Variants in FRMD3 observed in about 807,000 individuals in gnomAD.
FRMD3 encodes the protein FERM domain-containing protein 3.
FRMD3 carries 33 observed loss-of-function variants against 70.2 expected under a neutral mutation model. The observed-to-expected ratio is 0.47, with a 90% CI of 0.36 to 0.63. The LOEUF (loss-of-function observed/expected upper bound fraction) is 0.63, where lower values mean the gene tolerates loss of function less well. FRMD3 is among the 20% of genes least tolerant of loss of function. FRMD3 has a pLI of 0.00. For missense variants in FRMD3, 632 were observed against 711.4 expected, an observed-to-expected ratio of 0.89 and a Z score of 1.27; for synonymous variants, 279 against 255.9, an observed-to-expected ratio of 1.09 and a Z score of -0.86.
At chr9:83,568,912 TA>T in the FRMD3 span, among the ~76,000 whole-genome samples, 1 of 143,788 alleles carries the variant, frequency 7.0e-6, no homozygotes, top group African/African-American at 2.6e-5. Flanking sequence ...TACAACTTGT[TA>T]GAAAAGATAG....
intron 1 of FRMD3, among the ~76,000 whole-genome samples, chr9:83,481,411 A>C (rs1828564860): frequency 6.6e-6 from 1 of 152,248 alleles, no homozygotes; most frequent in African/African-American, 2.4e-5. Flanking sequence ...TCTCTATAAA[A>C]GAAATTCTGC....
chr9:83,251,732 C>G (rs1832438696), intron 13 of FRMD3, among the ~76,000 whole-genome samples: 1 of 152,154 alleles, frequency 6.6e-6, no homozygotes, highest in Non-Finnish European at 1.5e-5. Flanking sequence ...TCACAAGTAT[C>G]AGTAGCAGAA....
At chr9:83,445,927 G>A (rs62560276) in intron 1 of FRMD3, among the ~76,000 whole-genome samples, 13 of 152,184 alleles carry the variant, frequency 8.5e-5, no homozygotes, top group Non-Finnish European at 1.6e-4. Flanking sequence ...GCACTTCACA[G>A]CATTTCAGAG....
rs149651595 is a variant in FRMD3 at position 83,443,599 on chromosome 9, A to G, written c.148-53891T>C. 4.7e-3 allele frequency among the ~76,000 whole-genome samples: 714 copies of G among 152,320 alleles called. 5 individuals carry two copies. The highest frequency in any genetic ancestry group is 0.016 in the African/African-American group (657 of 41,570). ...TATTGTGAATAGTGCCGCAATAAAC[A>G]TACATGTGCATGTGTCTTTATAGTA... is the stretch of plus-strand genomic sequence containing the variant. On this transcript the variant is annotated intron_variant, in intron 1 of 13. Coordinates refer to ENST00000304195, the MANE Select transcript of FRMD3 (RefSeq NM_174938.6).
chr9:83,287,718 T>C (rs781124439), intron 13 of FRMD3, among the ~76,000 whole-genome samples: 18 of 152,214 alleles, frequency 1.2e-4, no homozygotes, highest in Non-Finnish European at 2.4e-4. Flanking sequence ...ACTGATTTTA[T>C]GTCAGACACT....
intron 1 of FRMD3, among the ~76,000 whole-genome samples, chr9:83,526,530 T>G (rs576252468): frequency 6.6e-6 from 1 of 152,350 alleles, no homozygotes; most frequent in Non-Finnish European, 1.5e-5. Flanking sequence ...ACTTGTCCTT[T>G]AATTATTAAT....
intron 13 of FRMD3, among the ~76,000 whole-genome samples, chr9:83,281,862 G>C (rs918451874): frequency 6.6e-6 from 1 of 152,204 alleles, no homozygotes; most frequent in Non-Finnish European, 1.5e-5. Flanking sequence ...GTCCTGGCAT[G>C]CTGTGCTGGA....
chr9:83,349,885 T>C, intron 3 of FRMD3, 128 bp from the exon 4 acceptor site: 2 of 615,444 alleles, frequency 3.2e-6, no homozygotes, highest in East Asian at 2.9e-5. Flanking sequence ...GGGGTGATTG[T>C]TTTGGAAGAA....
chr9:83,576,296 T>A, the FRMD3 span, among the ~76,000 whole-genome samples: 9 of 152,116 alleles, frequency 5.9e-5, no homozygotes, highest in African/African-American at 1.7e-4. Context: ...CAAAACCATA[T>A]GATCATCTCA....
At chr9:83,363,684 A>T (rs969103231) in intron 3 of FRMD3, among the ~76,000 whole-genome samples, 1 of 151,052 alleles carries the variant, frequency 6.6e-6, no homozygotes, top group Non-Finnish European at 1.5e-5. Flanking sequence ...CCTCCTGAGT[A>T]GCTGGGACTA....
At chr9:83,547,375 T>A in the FRMD3 span, among the ~76,000 whole-genome samples, 3 of 150,346 alleles carry the variant, frequency 2.0e-5, no homozygotes, top group Admixed American at 1.3e-4. Flanking sequence ...TCTTTGTCTT[T>A]TTTTACTGTT....
chr9:83,568,943 GATAGATAGATAGATACATACATAC>G, the FRMD3 span, among the ~76,000 whole-genome samples: 3 of 124,726 alleles, frequency 2.4e-5, no homozygotes, highest in South Asian at 3.0e-4. Context: ...TAGATAGATA[GATAGATAGATAGATACATACATAC>G]ATACATACAT....
chr9:83,342,139 C>A (rs898913213), intron 5 of FRMD3, among the ~76,000 whole-genome samples: 2 of 151,536 alleles, frequency 1.3e-5, no homozygotes, highest in Non-Finnish European at 2.9e-5. Flanking sequence ...ACAGCTGGAT[C>A]ATCTGAGTCC....
At chr9:83,386,528 A>C (rs1157214885) in intron 2 of FRMD3, among the ~76,000 whole-genome samples, 1 of 152,224 alleles carries the variant, frequency 6.6e-6, no homozygotes. Context: ...TTAAAATTTT[A>C]ATAATTTTAG....
intron 5 of FRMD3, among the ~76,000 whole-genome samples, chr9:83,339,128 T>C (rs1339831387): frequency 6.6e-6 from 1 of 152,076 alleles, no homozygotes; most frequent in African/African-American, 2.4e-5. Context: ...TCTTGTGAGA[T>C]ATTATAGACT....
intron 10 of FRMD3, among the ~76,000 whole-genome samples, chr9:83,303,684 T>A (rs1835008179): frequency 1.3e-5 from 2 of 152,234 alleles, no homozygotes; most frequent in South Asian, 4.1e-4. Flanking sequence ...CAGATTCAGA[T>A]TTCTCAAAAT....
the FRMD3 span, among the ~76,000 whole-genome samples, chr9:83,572,901 GT>G: frequency 6.6e-6 from 1 of 152,142 alleles, no homozygotes; most frequent in African/African-American, 2.4e-5. Flanking sequence ...ATCTTTTCCT[GT>G]TATTGAAGCA....
chr9:83,571,740 T>A, the FRMD3 span, among the ~76,000 whole-genome samples: 2 of 152,220 alleles, frequency 1.3e-5, no homozygotes, highest in African/African-American at 4.8e-5. Flanking sequence ...GTAACTTTAC[T>A]CTCTGACAAT....
Position 83,356,754 on chromosome 9 carries a change from T to G in FRMD3, c.296-6997A>C, listed in dbSNP as rs1319117607. Reference sequence around the variant, plus strand: ...TTTCCTTTTTAACAATTTTTTTTATTTCGATAGGTTTTTGGGAAAACAGGT... The same window carrying G: ...TTTCCTTTTTAACAATTTTTTTTATGTCGATAGGTTTTTGGGAAAACAGGT... On this transcript the variant is annotated intron_variant, in intron 3 of 13. Coordinates refer to ENST00000304195, the MANE Select transcript of FRMD3 (RefSeq NM_174938.6). Among the ~76,000 whole-genome samples, 3 of 152,074 alleles carry G rather than the reference T, an allele frequency of 2.0e-5. No homozygotes were observed. The East Asian group carries it at 5.8e-4, about 29-fold the overall frequency.
Sources: gnomAD v4.1 joint callset for allele counts (sites outside exome capture counted in the v4.1 genomes callset) on GRCh38, gnomAD v4.1.1 for gene constraint, MANE v1.5 for transcripts, NCBI Gene and HGNC (gene_info 2026-07-23, HGNC 2026-07-21) for gene names.